Variants in DMD observed in about 807,000 individuals in gnomAD.
DMD encodes dystrophin, also known as mutant dystrophin.
In DMD, 63 loss-of-function variants were observed where a neutral mutation model predicts 330.1. The observed-to-expected ratio is 0.19, with a 90% CI of 0.16 to 0.24. The LOEUF (loss-of-function observed/expected upper bound fraction) is 0.24. DMD is among the 10% of genes least tolerant of loss of function. The pLI, the probability that DMD is intolerant of heterozygous loss-of-function variation, is 1.00. For synonymous variants in DMD, 1,223 were observed against 959.8 expected (o/e 1.27, Z -5.07); for missense variants, 3,344 against 2,684.1 (o/e 1.25, Z -5.43).
intron 51 of DMD, among the ~76,000 whole-genome samples, chrX:31,767,569 A>G (rs975081807): frequency 1.8e-5 from 2 of 112,342 alleles, no homozygotes; most frequent in African/African-American, 6.5e-5. Flanking sequence ...TTTGTTGAAT[A>G]AGGGAAACTA....
intron 11 of DMD, among the ~76,000 whole-genome samples, chrX:32,625,050 A>C (rs1413482554): frequency 8.9e-6 from 1 of 112,061 alleles, no homozygotes; most frequent in African/African-American, 3.2e-5. Context: ...ACATGCCTGT[A>C]GTCCCAGCTA....
intron 9 of DMD, among the ~76,000 whole-genome samples, chrX:32,681,216 C>T (rs1004562694): frequency 1.8e-5 from 2 of 111,563 alleles, no homozygotes; most frequent in African/African-American, 6.5e-5. Flanking sequence ...GTAAAAAGCT[C>T]TGTTCAAGAT....
chrX:32,863,790 G>A (rs1603450444), intron 2 of DMD, among the ~76,000 whole-genome samples: 1 of 111,738 alleles, frequency 8.9e-6, no homozygotes, highest in African/African-American at 3.3e-5. Context: ...ACCCTACGGT[G>A]CAGTTGTGTA....
chrX:32,833,316 G>C (rs1041572671), intron 4 of DMD, among the ~76,000 whole-genome samples: 3 of 110,509 alleles, frequency 2.7e-5, no homozygotes, highest in African/African-American at 9.8e-5. Flanking sequence ...ATAATCCTAA[G>C]AAAATATGAA....
At chrX:32,840,398 G>A (rs893036056) in intron 4 of DMD, among the ~76,000 whole-genome samples, 2 of 111,189 alleles carry the variant, frequency 1.8e-5, no homozygotes, top group Non-Finnish European at 3.8e-5. Flanking sequence ...TCTATATATG[G>A]CCCGTGGAGT....
intron 63 of DMD, among the ~76,000 whole-genome samples, chrX:31,232,082 A>AAAAAAAC (rs1491191501): frequency 0.01 from 51 of 4,904 alleles, no homozygotes; most frequent in African/African-American, 0.02. Context: ...AGCACATGTT[A>AAAAAAAC]AAAAAAAAAA....
At chrX:33,102,192 C>A (rs2148379043) in intron 1 of DMD, among the ~76,000 whole-genome samples, 1 of 111,272 alleles carries the variant, frequency 9.0e-6, no homozygotes, top group South Asian at 3.7e-4. Context: ...AATAATATTT[C>A]CTCTATTTAT....
chrX:32,392,035 G>T (rs1398640284), intron 30 of DMD, among the ~76,000 whole-genome samples: 1 of 111,559 alleles, frequency 9.0e-6, no homozygotes, highest in Non-Finnish European at 1.9e-5. Context: ...ATCTCTCTCA[G>T]AAAATTAGAA....
intron 56 of DMD, among the ~76,000 whole-genome samples, chrX:31,503,593 A>G (rs936369117): frequency 8.9e-6 from 1 of 111,923 alleles, no homozygotes; most frequent in African/African-American, 3.2e-5. Context: ...CATGTTATCA[A>G]GTGTAAATTA....
intron 2 of DMD, among the ~76,000 whole-genome samples, chrX:32,858,049 C>T (rs7888158): frequency 0.17 from 18,793 of 109,316 alleles, 1,599 homozygotes; most frequent in African/African-American, 0.32. Flanking sequence ...GTATTATTTT[C>T]GAAACTCACA....
At chrX:33,324,297 A>G (rs2054058374) in intron 1 of DMD, among the ~76,000 whole-genome samples, 1 of 110,912 alleles carries the variant, frequency 9.0e-6, no homozygotes, top group East Asian at 2.9e-4. Context: ...GTTCAGTACC[A>G]CTTGAGACCA....
intron 43 of DMD, among the ~76,000 whole-genome samples, chrX:32,234,983 C>T (rs2097182194): frequency 8.9e-6 from 1 of 111,802 alleles, no homozygotes; most frequent in African/African-American, 3.3e-5. Context: ...AAACAGTGGT[C>T]CCTGACCCTT....
At chrX:32,193,137 C>T (rs1172830180) in intron 44 of DMD, among the ~76,000 whole-genome samples, 1 of 111,319 alleles carries the variant, frequency 9.0e-6, no homozygotes, top group Non-Finnish European at 1.9e-5. Flanking sequence ...TCCCGTTCTG[C>T]CTTCTGCCAC....
At chrX:31,798,504 C>A (rs1158088399) in intron 50 of DMD, among the ~76,000 whole-genome samples, 4 of 107,837 alleles carry the variant, frequency 3.7e-5, no homozygotes, top group Admixed American at 1.0e-4. Flanking sequence ...GAGGAATAAA[C>A]CCTAAAGTTG....
rs376921023 is a variant in DMD, at chrX:33,105,380, T to C, written c.32-85180A>G. 5.2e-4 allele frequency among the ~76,000 whole-genome samples: 58 copies of C among 111,924 alleles called. 1 individual carries two copies. In the South Asian group the frequency reaches 9.9e-3, roughly 19 times the overall value. ...GACATTGGCCTAGGTAAAGAATTTATGACCAAGACCTCAAAAGCAAATGCA... is the reference window on the plus strand; with the variant it reads ...GACATTGGCCTAGGTAAAGAATTTACGACCAAGACCTCAAAAGCAAATGCA... On this transcript the variant is annotated intron_variant, in intron 1 of 78. Coordinates refer to ENST00000357033, the MANE Select transcript of DMD (RefSeq NM_004006.3).
intron 1 of DMD, among the ~76,000 whole-genome samples, chrX:33,048,564 G>GCACCTGTAGTCCTAGCTATT (rs2094414722): frequency 9.2e-6 from 1 of 108,295 alleles, no homozygotes; most frequent in Non-Finnish European, 1.9e-5. Context: ...ATGGTGGCAT[G>GCACCTGTAGTCCTAGCTATT]CACCTGTAGT....
intron 34 of DMD, among the ~76,000 whole-genome samples, chrX:32,375,840 C>G (rs762296181): frequency 2.7e-5 from 3 of 111,846 alleles, no homozygotes; most frequent in African/African-American, 3.2e-5. Flanking sequence ...TCTCAAGAAG[C>G]TTGATTTTTA....
chrX:33,126,282 AAAC>A (rs780612205), intron 1 of DMD, among the ~76,000 whole-genome samples: 396 of 112,332 alleles, frequency 3.5e-3, no homozygotes, highest in Non-Finnish European at 6.1e-3. Context: ...AGTGTAAACT[AAAC>A]AACGCATAAA....
intron 6 of DMD, among the ~76,000 whole-genome samples, chrX:32,810,090 T>C (rs1338088272): frequency 9.0e-6 from 1 of 110,714 alleles, no homozygotes; most frequent in Non-Finnish European, 1.9e-5. Context: ...GCCACTGTAC[T>C]CTAGCCTGGG....
Sources: allele counts gnomAD v4.1 joint callset (sites outside exome capture counted in the v4.1 genomes callset), GRCh38; gene constraint gnomAD v4.1.1; transcripts MANE v1.5; gene names NCBI Gene and HGNC (gene_info 2026-07-23, HGNC 2026-07-21).